HDAC9: variants seen among roughly 807,000 people sequenced by gnomAD.
HDAC9 encodes the protein histone deacetylase 9.
HDAC9 carries 41 observed loss-of-function variants against 139.4 expected under a neutral mutation model. The observed-to-expected ratio is 0.29, with a 90% CI of 0.23 to 0.38. The LOEUF (loss-of-function observed/expected upper bound fraction) is 0.38, where lower values mean the gene tolerates loss of function less well. HDAC9 is among the 10% of genes least tolerant of loss of function. The pLI, the probability that HDAC9 is intolerant of heterozygous loss-of-function variation, is 1.00. For missense variants in HDAC9, 1,147 were observed against 1,297.0 expected, an observed-to-expected ratio of 0.88 and a Z score of 1.78; for synonymous variants, 517 against 476.2, an observed-to-expected ratio of 1.09 and a Z score of -1.12.
At chr7:18,692,754 C>CT (rs1782761350) in intron 12 of HDAC9, among the ~76,000 whole-genome samples, 1 of 152,036 alleles carries the variant, frequency 6.6e-6, no homozygotes, top group Non-Finnish European at 1.5e-5. Flanking sequence ...AATCTAATGT[C>CT]TTTCGCCAGC....
chr7:18,224,002 A>C (rs935916334), intron 2 of HDAC9, among the ~76,000 whole-genome samples: 3 of 152,202 alleles, frequency 2.0e-5, no homozygotes, highest in Non-Finnish European at 4.4e-5. Flanking sequence ...CTTTCTATTC[A>C]GGAAAATAGT....
chr7:18,090,516 C>T (rs1185145477), intron 1 of HDAC9, among the ~76,000 whole-genome samples: 2 of 152,224 alleles, frequency 1.3e-5, no homozygotes, highest in Non-Finnish European at 2.9e-5. Context: ...GCTGGCCTCA[C>T]CCTATCAACT....
chr7:18,196,565 G>T (rs1051837268), intron 2 of HDAC9, among the ~76,000 whole-genome samples: 5 of 152,048 alleles, frequency 3.3e-5, no homozygotes, highest in Non-Finnish European at 5.9e-5. Flanking sequence ...GATGATGGAA[G>T]AAAAAGGTCA....
intron 6 of HDAC9, among the ~76,000 whole-genome samples, chr7:18,614,780 G>T (rs576543128): frequency 6.6e-6 from 1 of 152,200 alleles, no homozygotes; most frequent in Admixed American, 6.5e-5. Flanking sequence ...TCTTCTTTGA[G>T]CCCCTCCAGA....
chr7:18,126,074 A>G (rs1784646760), intron 1 of HDAC9, among the ~76,000 whole-genome samples: 2 of 152,168 alleles, frequency 1.3e-5, no homozygotes, highest in African/African-American at 2.4e-5. Context: ...TCCTATTTAT[A>G]TAGTCAACTA....
rs112615642 is a variant in HDAC9 at position 18,460,522 on chromosome 7, C to T, written c.-41-35740C>T. ...TCCTGGGGCCAGGTGCAGTGGTTCACGCCTGTAATCCCAGCACTTTCAGAG... is the reference window on the plus strand; with the variant it reads ...TCCTGGGGCCAGGTGCAGTGGTTCATGCCTGTAATCCCAGCACTTTCAGAG... On this transcript the variant is annotated intron_variant, in intron 1 of 3. Coordinates refer to the HDAC9 transcript ENST00000413509. Among the ~76,000 whole-genome samples, 1,167 of 151,998 alleles carry T rather than the reference C, an allele frequency of 7.7e-3. 15 individuals carry two copies. The highest frequency in any genetic ancestry group is 0.027 in the African/African-American group (1,101 of 41,458).
intron 1 of HDAC9, among the ~76,000 whole-genome samples, chr7:18,329,737 T>C (rs1800766088): frequency 6.6e-6 from 1 of 151,752 alleles, no homozygotes; most frequent in Admixed American, 6.6e-5. Flanking sequence ...ATTATGTCTT[T>C]TGAAGCCTTC....
At chr7:18,282,468 TGA>T (rs1457743787) in intron 2 of HDAC9, among the ~76,000 whole-genome samples, 2 of 152,118 alleles carry the variant, frequency 1.3e-5, no homozygotes, top group Non-Finnish European at 2.9e-5. Context: ...GGGAAATAGA[TGA>T]GAGTGATACG....
intron 2 of HDAC9, among the ~76,000 whole-genome samples, chr7:18,163,424 T>C (rs1331203967): frequency 1.3e-5 from 2 of 152,234 alleles, no homozygotes; most frequent in East Asian, 1.9e-4. Context: ...TCTCAAACTT[T>C]AGCATGCATT....
chr7:18,875,657 C>CAGG (rs1164698223), intron 22 of HDAC9, among the ~76,000 whole-genome samples: 1 of 152,020 alleles, frequency 6.6e-6, no homozygotes, highest in Non-Finnish European at 1.5e-5. Context: ...GGAAACTCTA[C>CAGG]AAAGACAAAC....
Position 18,998,129 on chromosome 7 carries a change from A to G in HDAC9, c.*2067A>G, listed in dbSNP as rs555587452. ...TAACAAAAGACTCTCCCCCATTTTA[A>G]AAAGGAAACTCATGTTTTAATTAGA... On this transcript the variant is annotated 3_prime_UTR_variant, in exon 26 of 26. Transcript: ENST00000686413. 6.6e-6 allele frequency: 1 copy of G among 152,302 alleles called. No homozygotes were observed. Among genetic ancestry groups the G allele is most frequent in the African/African-American group, 2.4e-5 (1 of 41,588 alleles). The allele number at this position is 152,302 out of a possible 1,614,324, so 9.4% of individuals were successfully genotyped here. A position where few individuals can be genotyped will look rare whatever the true frequency, so the allele number is the denominator to read the frequency against.
chr7:18,366,540 A>T (rs1784193716), intron 1 of HDAC9, among the ~76,000 whole-genome samples: 1 of 152,114 alleles, frequency 6.6e-6, no homozygotes, highest in African/African-American at 2.4e-5. Flanking sequence ...TTGGCTGATG[A>T]ACTTTTATAT....
intron 23 of HDAC9, chr7:18,949,096 T>G: frequency 3.0e-6 from 1 of 332,884 alleles, no homozygotes; most frequent in South Asian, 2.7e-5. Flanking sequence ...TTTTTTTCTG[T>G]TTTTTGAAGG....
chr7:18,851,561 G>T (rs1393821443), intron 21 of HDAC9: 1 of 152,158 alleles, frequency 6.6e-6, no homozygotes, highest in Admixed American at 6.6e-5. Flanking sequence ...TGACAAAACG[G>T]ACTGATACAG....
At chr7:18,170,423 G>A (rs1419143355) in intron 2 of HDAC9, among the ~76,000 whole-genome samples, 1 of 151,860 alleles carries the variant, frequency 6.6e-6, no homozygotes, top group Non-Finnish European at 1.5e-5. Context: ...AGTTTCTTTT[G>A]CTGTGCAGAA....
chr7:18,731,066 G>A (rs953490990), intron 13 of HDAC9, among the ~76,000 whole-genome samples: 4 of 152,174 alleles, frequency 2.6e-5, no homozygotes, highest in Non-Finnish European at 2.9e-5. Flanking sequence ...TGGGCAAGCC[G>A]GAGTGGGGCA....
intron 2 of HDAC9, among the ~76,000 whole-genome samples, chr7:18,264,473 A>G (rs1372120672): frequency 6.6e-6 from 1 of 152,234 alleles, no homozygotes; most frequent in Non-Finnish European, 1.5e-5. Flanking sequence ...CATATTAATG[A>G]ATTAATTTAA....
chr7:18,392,193 T>C (rs1324420626), intron 1 of HDAC9, among the ~76,000 whole-genome samples: 1 of 152,020 alleles, frequency 6.6e-6, no homozygotes, highest in Non-Finnish European at 1.5e-5. Flanking sequence ...CAATCTGGGA[T>C]TATTATAATA....
At chr7:18,516,484 G>A (rs1250908549) in intron 2 of HDAC9, among the ~76,000 whole-genome samples, 1 of 152,082 alleles carries the variant, frequency 6.6e-6, no homozygotes, top group Non-Finnish European at 1.5e-5. Context: ...AACAGGGAAA[G>A]GACAACTCAA....
Sources: gnomAD v4.1 joint callset for allele counts (sites outside exome capture counted in the v4.1 genomes callset) on GRCh38, gnomAD v4.1.1 for gene constraint, MANE v1.5 for transcripts, NCBI Gene and HGNC (gene_info 2026-07-23, HGNC 2026-07-21) for gene names.